Variants in SCAPER observed in about 807,000 individuals in gnomAD.
SCAPER encodes S-phase cyclin A associated protein in the ER, also known as S phase cyclin A-associated protein in the endoplasmic reticulum.
SCAPER carries 98 observed loss-of-function variants against 182.2 expected under a neutral mutation model. The ratio of observed to expected loss-of-function variants is 0.54; its 90% confidence interval spans 0.46 to 0.64. The LOEUF (loss-of-function observed/expected upper bound fraction) is 0.64. SCAPER is among the 30% of genes least tolerant of loss of function. The probability of loss-of-function intolerance (pLI) is 0.00; values close to 1 mark genes in which losing one functional copy is unlikely to be tolerated. For missense variants in SCAPER, 1,432 were observed against 1,690.0 expected, an observed-to-expected ratio of 0.85 and a Z score of 2.68; for synonymous variants, 605 against 564.6, an observed-to-expected ratio of 1.07 and a Z score of -1.01.
chr15:76,899,056 A>C (rs1377690968), intron 1 of SCAPER, among the ~76,000 whole-genome samples: 1 of 152,202 alleles, frequency 6.6e-6, no homozygotes, highest in Non-Finnish European at 1.5e-5. Flanking sequence ...TAATTTACGT[A>C]ATTTTCTTTC....
chr15:76,547,726 C>T (rs1409293825), intron 23 of SCAPER, among the ~76,000 whole-genome samples: 1 of 152,010 alleles, frequency 6.6e-6, no homozygotes, highest in East Asian at 1.9e-4. Context: ...TGAGACGGGT[C>T]ATGTATGTTG....
chr15:76,860,090 T>C (rs2071755427), intron 3 of SCAPER, among the ~76,000 whole-genome samples: 1 of 152,194 alleles, frequency 6.6e-6, no homozygotes, highest in East Asian at 1.9e-4. Context: ...TTTATGTTCT[T>C]GTATGAAAAA....
chr15:76,780,180 T>C (rs760960746), intron 8 of SCAPER, among the ~76,000 whole-genome samples: 5 of 152,230 alleles, frequency 3.3e-5, no homozygotes, highest in Admixed American at 1.3e-4. Context: ...AACCAAATAC[T>C]GCGCTTTTCC....
intron 5 of SCAPER, among the ~76,000 whole-genome samples, chr15:76,834,399 A>G (rs1399129383): frequency 6.6e-6 from 1 of 152,214 alleles, no homozygotes; most frequent in Admixed American, 6.5e-5. Flanking sequence ...AGAAGTTAGA[A>G]AGATCTAAAA....
chr15:76,728,040 C>A (rs536419120), intron 17 of SCAPER, among the ~76,000 whole-genome samples: 6 of 152,110 alleles, frequency 3.9e-5, no homozygotes, highest in African/African-American at 1.4e-4. Context: ...CGCTATAATT[C>A]AGAAGTCACA....
At chr15:76,829,753 G>T (rs2068294707) in intron 5 of SCAPER, among the ~76,000 whole-genome samples, 1 of 152,102 alleles carries the variant, frequency 6.6e-6, no homozygotes, top group Non-Finnish European at 1.5e-5. Context: ...GTGCAACTGT[G>T]TATGAAGTCT....
At chr15:76,556,389 T>C (rs1018920970) in intron 23 of SCAPER, among the ~76,000 whole-genome samples, 3 of 152,090 alleles carry the variant, frequency 2.0e-5, no homozygotes, top group Non-Finnish European at 4.4e-5. Flanking sequence ...AGAGCTGAAC[T>C]GAATGAAATT....
intron 29 of SCAPER, among the ~76,000 whole-genome samples, chr15:76,373,135 C>A (rs899434336): frequency 2.0e-4 from 30 of 151,472 alleles, no homozygotes; most frequent in African/African-American, 7.3e-4. Context: ...GCAACCTCCG[C>A]CTCCCACGTT....
chr15:76,509,301 G>A (rs1157014302), intron 23 of SCAPER, among the ~76,000 whole-genome samples: 2 of 152,008 alleles, frequency 1.3e-5, no homozygotes, highest in Non-Finnish European at 2.9e-5. Context: ...TCCAAATTCT[G>A]AATATTCTAC....
intron 20 of SCAPER, among the ~76,000 whole-genome samples, chr15:76,688,607 C>T (rs1046690437): frequency 2.6e-5 from 4 of 151,904 alleles, no homozygotes; most frequent in South Asian, 2.1e-4. Flanking sequence ...TTAATTTTTG[C>T]GTAAGGTGTA....
intron 22 of SCAPER, among the ~76,000 whole-genome samples, chr15:76,619,070 C>A (rs1009339916): frequency 6.6e-6 from 1 of 152,200 alleles, no homozygotes; most frequent in Non-Finnish European, 1.5e-5. Flanking sequence ...GTCTTGAACT[C>A]CTGATCTCAA....
chr15:76,787,568 C>T (rs182031465), intron 8 of SCAPER, among the ~76,000 whole-genome samples: 1 of 152,210 alleles, frequency 6.6e-6, no homozygotes, highest in East Asian at 1.9e-4. Flanking sequence ...TCAAGCAATC[C>T]TCCTGGGTTG....
At position 76,753,946 on chromosome 15, in the gene SCAPER, C is replaced by A; in HGVS notation, c.1728G>T (p.Glu576Asp). 1 of 1,612,384 alleles carries A rather than the reference C, an allele frequency of 6.2e-7. No individual in the cohort carries two copies. The highest frequency in any genetic ancestry group is 8.5e-7 in the Non-Finnish European group (1 of 1,179,028). ...CTTCCTTCCACTTCCGGACATCCTT[C>A]TCCTACGTATAGTGAATCATCACAT... Reference protein sequence around the residue: ...TLKLQKLLEREKDVRKWKEEL... With the variant: ...TLKLQKLLERDKDVRKWKEEL... The change falls in exon 15 of 32, where the codon GAG (glutamate) becomes GAT (aspartate). Residue 576 changes from glutamate (E) to aspartate (D), a missense_variant and splice_region_variant. This residue lies in a region of SCAPER where 128 missense variants were observed against 149.9 expected (regional missense o/e 0.85). Transcript: ENST00000563290.
intron 15 of SCAPER, among the ~76,000 whole-genome samples, chr15:76,748,943 C>T (rs2061949007): frequency 6.6e-6 from 1 of 151,476 alleles, no homozygotes; most frequent in Admixed American, 6.6e-5. Flanking sequence ...AAAAATTAAA[C>T]AATAAATTGT....
intron 25 of SCAPER, among the ~76,000 whole-genome samples, chr15:76,457,744 T>C (rs1205535601): frequency 1.3e-5 from 2 of 149,450 alleles, no homozygotes; most frequent in Non-Finnish European, 2.9e-5. Flanking sequence ...CAGAACAAAA[T>C]GAAAAATTTA....
rs1422303929 is a variant in SCAPER at position 76,354,000 on chromosome 15, C to A, written c.3996G>T (p.Lys1332Asn). 2 of 1,604,362 alleles carry A rather than the reference C, an allele frequency of 1.2e-6. No homozygotes were observed. The highest frequency in any genetic ancestry group is 2.3e-5 in the East Asian group (1 of 43,882). The change falls in exon 30 of 32, where the codon AAG becomes AAT. Residue 1332 changes from lysine to asparagine, a missense_variant. By Grantham distance (94) the Lys-to-Asn change is moderately conservative. Around this residue, in one of 5 missense-constraint regions of SCAPER, gnomAD observed 718 missense variants for 799.7 expected, o/e 0.90. Coordinates refer to ENST00000563290, the MANE Select transcript of SCAPER (RefSeq NM_020843.4). ...AGCTCATCTCTTGCTCCAGAATGAT[C>A]TTGTTCTGATGGTTGTTGTAACAAG... ...IAACYNNHQN[K>N]IILEQEMSCV...
intron 15 of SCAPER, among the ~76,000 whole-genome samples, chr15:76,737,975 C>T (rs1410395193): frequency 1.3e-5 from 2 of 152,250 alleles, no homozygotes; most frequent in Admixed American, 6.5e-5. Context: ...GATCTTCTAT[C>T]CAGACCACTC....
intron 25 of SCAPER, among the ~76,000 whole-genome samples, chr15:76,452,821 A>G (rs376114344): frequency 3.0e-4 from 46 of 152,256 alleles, no homozygotes; most frequent in African/African-American, 1.1e-3. Context: ...CTATTAGAAT[A>G]ACTGCAAGTA....
intron 23 of SCAPER, among the ~76,000 whole-genome samples, chr15:76,540,285 C>G (rs547721504): frequency 6.6e-6 from 1 of 151,966 alleles, no homozygotes; most frequent in South Asian, 2.1e-4. Context: ...GCCTGTAGTC[C>G]TAGCTACTCA....
Sources: allele counts gnomAD v4.1 joint callset (sites outside exome capture counted in the v4.1 genomes callset), GRCh38; gene constraint gnomAD v4.1.1; regional missense constraint gnomAD v4.1.1; transcripts MANE v1.5; gene names NCBI Gene and HGNC (gene_info 2026-07-23, HGNC 2026-07-21).